The following SUPT20H variants were observed in gnomAD, a reference collection of about 807,000 sequenced individuals.
SUPT20H encodes the protein transcription factor SPT20 homolog.
In SUPT20H, 82 loss-of-function variants were observed where a neutral mutation model predicts 122.8. That is an observed-to-expected ratio of 0.67 (90% CI 0.56 to 0.80). The LOEUF (loss-of-function observed/expected upper bound fraction) is 0.80. SUPT20H is among the 30% of genes least tolerant of loss of function. The probability of loss-of-function intolerance (pLI) is 0.00; values close to 1 mark genes in which losing one functional copy is unlikely to be tolerated. For missense variants in SUPT20H, 831 were observed against 921.6 expected (o/e 0.90, Z 1.27); for synonymous variants, 291 against 313.0 (o/e 0.93, Z 0.74).
chr13:37,049,838 T>A lies in SUPT20H; in HGVS notation c.4-1239A>T, dbSNP rs532967318. Among the ~76,000 whole-genome samples, 3 of 152,344 alleles carry A rather than the reference T, an allele frequency of 2.0e-5. No homozygotes were observed. The South Asian group carries it at 6.2e-4, about 32-fold the overall frequency. Reference sequence around the variant, plus strand: ...GTTTTATAGTCTTTTTCATTCATAATGATAGTCATTTTTAAATTTTATTAA... The same window carrying A: ...GTTTTATAGTCTTTTTCATTCATAAAGATAGTCATTTTTAAATTTTATTAA... On this transcript the variant is annotated intron_variant, in intron 2 of 25. Transcript: ENST00000350612.
intron 1 of SUPT20H, chr13:37,057,070 G>GA (rs2069250800): frequency 6.6e-6 from 1 of 152,074 alleles, no homozygotes; most frequent in South Asian, 2.1e-4. Context: ...AGGCCCAGGT[G>GA]AGAGGATCAT....
chr13:37,040,363 C>T (rs1486838799), intron 9 of SUPT20H, 42 bp downstream of exon 9: 1 of 1,495,366 alleles, frequency 6.7e-7, no homozygotes, highest in Non-Finnish European at 9.0e-7. Context: ...TTTTTTCATC[C>T]TATATTTTGC....
intron 1 of SUPT20H, among the ~76,000 whole-genome samples, chr13:37,058,590 TTC>T (rs537774602): frequency 2.0e-5 from 3 of 152,190 alleles, no homozygotes; most frequent in South Asian, 2.1e-4. Context: ...AAAGCAAACA[TTC>T]TGTCTATACA....
At chr13:37,024,606 T>C (rs2061898181) in intron 17 of SUPT20H, 164 bp from the exon 18 acceptor site, 2 of 428,504 alleles carry the variant, frequency 4.7e-6, no homozygotes, top group East Asian at 7.4e-5. Context: ...GATTGAATAC[T>C]ATATGTATTA....
intron 1 of SUPT20H, 65 bp downstream of exon 1, chr13:37,059,494 G>C (rs964472449): frequency 1.3e-5 from 2 of 152,380 alleles, no homozygotes; most frequent in African/African-American, 4.8e-5. Flanking sequence ...GACCCTGGCC[G>C]GATCTCGCGC....
At position 37,038,119 on chromosome 13, in the gene SUPT20H, C is replaced by T. The variant is rs566898597; in HGVS notation, c.567+2286G>A. 7.6e-4 allele frequency: 115 copies of T among 151,716 alleles called. 2 individuals carry two copies. The highest frequency in any genetic ancestry group is 2.6e-3 in the African/African-American group (109 of 41,356). 9.4% of individuals were successfully genotyped at this position (151,716 alleles called of 1,614,324 possible). A position where few individuals can be genotyped will look rare whatever the true frequency, so the allele number is the denominator to read the frequency against. On this transcript the variant is annotated intron_variant, in intron 9 of 25. Transcript: ENST00000350612. ...CTCTTGCATCAAACCAGGAGGTACA[C>T]AATAATTGACTGTCTCATCTTCAAT...
intron 7 of SUPT20H, among the ~76,000 whole-genome samples, chr13:37,042,378 A>G (rs2065639211): frequency 6.6e-6 from 1 of 152,198 alleles, no homozygotes; most frequent in Non-Finnish European, 1.5e-5. Context: ...TAGACTAAGT[A>G]ACATTTTAAA....
intron 1 of SUPT20H, among the ~76,000 whole-genome samples, chr13:37,053,459 T>C (rs2068191542): frequency 6.9e-6 from 1 of 144,456 alleles, no homozygotes; most frequent in Non-Finnish European, 1.5e-5. Flanking sequence ...CACTCATAAG[T>C]GGGAGCTGAA....
chr13:37,041,033 G>T (rs911845287), intron 7 of SUPT20H, among the ~76,000 whole-genome samples: 1 of 151,978 alleles, frequency 6.6e-6, no homozygotes, highest in African/African-American at 2.4e-5. Flanking sequence ...CAGCTCACAG[G>T]CTTACTGTTA....
intron 13 of SUPT20H, among the ~76,000 whole-genome samples, chr13:37,029,291 G>A (rs2062875684): frequency 6.6e-6 from 1 of 152,208 alleles, no homozygotes; most frequent in Non-Finnish European, 1.5e-5. Context: ...TACTTTGGGA[G>A]GCCAAGGTGG....
Position 37,051,475 on chromosome 13 carries a change from A to G in SUPT20H, c.3+13T>C. The G allele has an allele frequency of 6.2e-7, 1 of 1,610,278 alleles. No individual in the cohort carries two copies. Among genetic ancestry groups the G allele is most frequent in the Non-Finnish European group, 8.5e-7 (1 of 1,177,330 alleles). On this transcript the variant is annotated intron_variant, in intron 2 of 25. Transcript: ENST00000350612. ...CTAAAACACAAATTTGAACATACTGAGCTGAAGCTTACCATTATGGCATAA... is the reference window on the plus strand; with the variant it reads ...CTAAAACACAAATTTGAACATACTGGGCTGAAGCTTACCATTATGGCATAA...
At chr13:37,036,963 G>C (rs922558121) in intron 9 of SUPT20H, among the ~76,000 whole-genome samples, 34 of 152,062 alleles carry the variant, frequency 2.2e-4, no homozygotes, top group African/African-American at 8.2e-4. Flanking sequence ...GGGAGTCCGA[G>C]GCGGGCAGAA....
chr13:37,059,104 C>A (rs898594312), intron 1 of SUPT20H: 1 of 152,150 alleles, frequency 6.6e-6, no homozygotes, highest in African/African-American at 2.4e-5. Flanking sequence ...GCGTTGCTAT[C>A]AATTCTACGC....
intron 17 of SUPT20H, chr13:37,025,003 G>A (rs528006717): frequency 5.4e-5 from 16 of 297,306 alleles, no homozygotes; most frequent in Middle Eastern, 1.1e-3. Context: ...GTGCAGTGGC[G>A]CTATCTCGGC....
chr13:37,055,987 C>T (rs1314813366), intron 1 of SUPT20H, among the ~76,000 whole-genome samples: 1 of 152,182 alleles, frequency 6.6e-6, no homozygotes, highest in Non-Finnish European at 1.5e-5. Context: ...GAAAAGAAGA[C>T]ATTTATACAG....
At chr13:37,035,226 A>C (rs1480204909) in intron 9 of SUPT20H, among the ~76,000 whole-genome samples, 1 of 152,188 alleles carries the variant, frequency 6.6e-6, no homozygotes. Context: ...GATCTGGGCA[A>C]AGTAAATTAA....
chr13:37,040,072 GAATT>G (rs2138581642), intron 9 of SUPT20H: 1 of 87,632 alleles, frequency 1.1e-5, no homozygotes, highest in East Asian at 3.4e-4. Context: ...TTAGAAACTT[GAATT>G]ATTTGAAAAA....
chr13:37,050,347 C>CAAAAAA (rs61668901), intron 2 of SUPT20H, among the ~76,000 whole-genome samples: 1 of 76,966 alleles, frequency 1.3e-5, no homozygotes. Flanking sequence ...CTGTCACTAC[C>CAAAAAA]AAAAAAAAAA....
intron 24 of SUPT20H, among the ~76,000 whole-genome samples, chr13:37,011,637 A>G (rs2059650045): frequency 6.8e-6 from 1 of 147,094 alleles, no homozygotes; most frequent in Admixed American, 6.6e-5. Context: ...ACTGACAGGA[A>G]GTTAGAATTA....
Sources: gnomAD v4.1 joint callset for allele counts (sites outside exome capture counted in the v4.1 genomes callset) on GRCh38, gnomAD v4.1.1 for gene constraint, MANE v1.5 for transcripts, NCBI Gene and HGNC (gene_info 2026-07-23, HGNC 2026-07-21) for gene names.